KLHL6: variants seen among roughly 807,000 people sequenced by gnomAD.
KLHL6 encodes kelch like family member 6.
In KLHL6, 41 loss-of-function variants were observed where a neutral mutation model predicts 58.6. The ratio of observed to expected loss-of-function variants is 0.70; its 90% CI spans 0.55 to 0.91. The LOEUF (loss-of-function observed/expected upper bound fraction) is 0.91, where lower values mean the gene tolerates loss of function less well. Ranked by LOEUF, KLHL6 falls within the 40% of genes least tolerant of loss-of-function variation. The pLI is 0.00. For missense variants in KLHL6, 714 were observed against 805.6 expected, an observed-to-expected ratio of 0.89 and a Z score of 1.38; for synonymous variants, 338 against 322.7, an observed-to-expected ratio of 1.05 and a Z score of -0.51.
intron 1 of KLHL6, among the ~76,000 whole-genome samples, chr3:183,554,694 A>G (rs1713045020): frequency 6.6e-6 from 1 of 152,370 alleles, no homozygotes; most frequent in South Asian, 2.1e-4. Context: ...TTGATTAACA[A>G]AGACAACATT....
At chr3:183,545,034 A>G (rs1371813985) in intron 1 of KLHL6, among the ~76,000 whole-genome samples, 1 of 152,098 alleles carries the variant, frequency 6.6e-6, no homozygotes, top group Non-Finnish European at 1.5e-5. Context: ...CGTGTGGCAG[A>G]AGTCAGCCTG....
chr3:183,538,568 G>GT (rs754347507), intron 1 of KLHL6, among the ~76,000 whole-genome samples: 4 of 152,128 alleles, frequency 2.6e-5, no homozygotes, highest in African/African-American at 9.7e-5. Flanking sequence ...CAGTTTAAAA[G>GT]TTTTTTAAAC....
In KLHL6 at chr3:183,492,401, G is replaced by T; in HGVS notation, c.1564+93C>A. ...GGGTCCTAGGGGCAGTGAGTTGCCA[G>T]CGCTGGAGACACCGCGACACACCGT... On this transcript the variant is annotated intron_variant, in intron 6 of 6. Coordinates refer to ENST00000341319, the MANE Select transcript of KLHL6 (RefSeq NM_130446.4). The surrounding 1 kb of genome is among the most constrained non-coding windows in gnomAD (Gnocchi z 5.9). The T allele has an allele frequency of 1.4e-6, 2 of 1,424,718 alleles. No homozygotes were observed. Among genetic ancestry groups the T allele is most frequent in the South Asian group, 1.3e-5 (1 of 77,668 alleles). 88.3% of individuals were successfully genotyped at this position (1,424,718 alleles called of 1,614,324 possible).
intron 1 of KLHL6, among the ~76,000 whole-genome samples, chr3:183,553,772 C>T (rs1360253783): frequency 6.6e-6 from 1 of 151,966 alleles, no homozygotes; most frequent in Admixed American, 6.6e-5. Context: ...TTTTCATTTC[C>T]TCATCTGTGA....
intron 2 of KLHL6, among the ~76,000 whole-genome samples, chr3:183,525,265 A>ACACACACACACACACACACAC (rs1553811014): frequency 0.01 from 546 of 52,556 alleles, 3 homozygotes; most frequent in Non-Finnish European, 0.013. Flanking sequence ...CTCTCTAAAA[A>ACACACACACACACACACACAC]AAAAACACAC....
At chr3:183,523,393 A>T (rs533717276) in intron 2 of KLHL6, among the ~76,000 whole-genome samples, 19 of 152,228 alleles carry the variant, frequency 1.2e-4, no homozygotes, top group Non-Finnish European at 2.6e-4. Context: ...TCTAACTGCC[A>T]CCATGTCACT....
intron 1 of KLHL6, among the ~76,000 whole-genome samples, chr3:183,551,627 G>T (rs899664635): frequency 6.6e-6 from 1 of 152,156 alleles, no homozygotes; most frequent in African/African-American, 2.4e-5. Context: ...ATGGTAAGAG[G>T]TTAGGTAAGG....
chr3:183,495,149 CA>C (rs1717680807), intron 4 of KLHL6, among the ~76,000 whole-genome samples: 1 of 152,198 alleles, frequency 6.6e-6, no homozygotes, highest in African/African-American at 2.4e-5. Flanking sequence ...CATTCTGTGT[CA>C]GGGGTGTTTC....
At chr3:183,518,162 G>C (rs1711623519) in intron 2 of KLHL6, among the ~76,000 whole-genome samples, 1 of 152,178 alleles carries the variant, frequency 6.6e-6, no homozygotes, top group Non-Finnish European at 1.5e-5. Flanking sequence ...GGATAGTGGA[G>C]GGAAGTGGAT....
At chr3:183,493,869 C>A in intron 5 of KLHL6, 1 of 584,132 alleles carries the variant, frequency 1.7e-6, no homozygotes, top group East Asian at 2.9e-5. Context: ...CAGACCTTCA[C>A]CACTTGGAAG....
At position 183,537,766 on chromosome 3, in the gene KLHL6, C is replaced by G. The variant is rs562844177; in HGVS notation, c.294-9756G>C. ...CAAACATCGCCTTCTCAGAGAGGCT[C>G]TCCCCGACACTCCCCCTAATCTAAA... On this transcript the variant is annotated intron_variant, in intron 1 of 6. Transcript: ENST00000341319. Among the ~76,000 whole-genome samples the G allele has an allele frequency of 3.3e-4, 51 of 152,298 alleles. No homozygotes were observed. The South Asian group carries it at 0.01, about 31-fold the overall frequency.
chr3:183,538,526 A>C (rs1360946821), intron 1 of KLHL6, among the ~76,000 whole-genome samples: 1 of 152,206 alleles, frequency 6.6e-6, no homozygotes, highest in African/African-American at 2.4e-5. Flanking sequence ...GTTAAATTCT[A>C]CTTAAGAATA....
At chr3:183,503,728 G>A (rs923762089) in intron 3 of KLHL6, among the ~76,000 whole-genome samples, 27 of 152,126 alleles carry the variant, frequency 1.8e-4, no homozygotes, top group Non-Finnish European at 2.2e-4. Flanking sequence ...GCAGTGAGCC[G>A]AGATCGCACC....
intron 1 of KLHL6, among the ~76,000 whole-genome samples, chr3:183,538,970 T>G (rs1712453207): frequency 6.6e-6 from 1 of 152,238 alleles, no homozygotes; most frequent in African/African-American, 2.4e-5. Context: ...CTTGGGTTGC[T>G]TATTCAGAAT....
chr3:183,511,481 C>T (rs917095709), intron 2 of KLHL6, among the ~76,000 whole-genome samples: 13 of 152,194 alleles, frequency 8.5e-5, no homozygotes, highest in Non-Finnish European at 1.5e-5. Context: ...TTTTACTAAT[C>T]CTCCTCAGCA....
chr3:183,545,092 G>A (rs1185279696), intron 1 of KLHL6, among the ~76,000 whole-genome samples: 1 of 152,138 alleles, frequency 6.6e-6, no homozygotes, highest in Non-Finnish European at 1.5e-5. Context: ...GAAAGAGCAC[G>A]CAGGCTGCAC....
At chr3:183,512,924 C>T (rs1718230697) in intron 2 of KLHL6, among the ~76,000 whole-genome samples, 1 of 152,156 alleles carries the variant, frequency 6.6e-6, no homozygotes, top group South Asian at 2.1e-4. Flanking sequence ...ACCCTCTTCA[C>T]CACTTCCTAT....
At position 183,508,449 on chromosome 3, in the gene KLHL6, G is replaced by A. The variant is rs1718083722; in HGVS notation, c.519C>T (p.Asn173=). 1 of 1,614,092 alleles carries A rather than the reference G, an allele frequency of 6.2e-7. No homozygotes were observed. The highest frequency in any genetic ancestry group is 1.7e-5 in the Admixed American group (1 of 60,000). ...SFLTEALNPE[N]CVGILRLADT... is the part of the protein sequence containing the mutation. The stretch of plus-strand genomic sequence containing the variant: ...CAGCCAGCCTCAGTATTCCAACGCA[G>A]TTTTCTGGGTTCAAGGCTTCAGTGA... Residue 173 remains asparagine, a synonymous_variant, in exon 3 of 7, where the codon AAC becomes AAT. Coordinates refer to ENST00000341319, the MANE Select transcript of KLHL6 (RefSeq NM_130446.4).
chr3:183,525,311 C>T (rs1057175595), intron 2 of KLHL6, among the ~76,000 whole-genome samples: 11 of 150,622 alleles, frequency 7.3e-5, no homozygotes, highest in Non-Finnish European at 1.5e-4. Flanking sequence ...AACATGGTCT[C>T]TTACAATCCT....
Sources: allele counts gnomAD v4.1 joint callset (sites outside exome capture counted in the v4.1 genomes callset), GRCh38; gene constraint gnomAD v4.1.1; non-coding constraint Gnocchi (gnomAD v3.1); transcripts MANE v1.5; gene names NCBI Gene and HGNC (gene_info 2026-07-23, HGNC 2026-07-21).